PARP14: variants seen among roughly 807,000 people sequenced by gnomAD.
PARP14 encodes the protein protein mono-ADP-ribosyltransferase PARP14.
In PARP14, 59 loss-of-function variants were observed where a neutral mutation model predicts 154.2. That is an observed-to-expected ratio of 0.38 (90% CI 0.31 to 0.48). The LOEUF is 0.48. Ranked by LOEUF, PARP14 falls within the 20% of genes least tolerant of loss-of-function variation. PARP14 has a pLI of 0.98. For missense variants in PARP14, 1,734 were observed against 2,131.6 expected (o/e 0.81, Z 3.67); for synonymous variants, 720 against 780.5 (o/e 0.92, Z 1.29).
Position 122,695,470 on chromosome 3 carries a change from A to G in PARP14, c.643A>G (p.Lys215Glu), listed in dbSNP as rs1010976129. Residue 215 changes from lysine to glutamate, a missense_variant, in exon 5 of 17, where the codon AAA (lysine) becomes GAA (glutamate). Lys to Glu is a moderately conservative substitution (Grantham distance 56). Around this residue, in one of 2 missense-constraint regions of PARP14, gnomAD observed 1,646 missense variants for 1,976.0 expected, o/e 0.83. Coordinates refer to ENST00000474629, the MANE Select transcript of PARP14 (RefSeq NM_017554.3). ...TGATTGTACCAAGCACCATTCAATTAAACAACTTCAGCTTTCTCCAAGACT... is the reference window on the plus strand; with the variant it reads ...TGATTGTACCAAGCACCATTCAATTGAACAACTTCAGCTTTCTCCAAGACT... ...VDDCTKHHSI[K>E]QLQLSPRLLE... is the part of the protein sequence containing the mutation. 3 of 1,606,700 alleles carry G rather than the reference A, an allele frequency of 1.9e-6. No homozygotes were observed. Among genetic ancestry groups the G allele is most frequent in the Non-Finnish European group, 2.6e-6 (3 of 1,175,102 alleles).
intron 4 of PARP14, among the ~76,000 whole-genome samples, chr3:122,694,289 C>T (rs1413943792): frequency 6.6e-6 from 1 of 152,128 alleles, no homozygotes; most frequent in East Asian, 1.9e-4. Flanking sequence ...ATAGATCTTT[C>T]CCTATCCATC....
chr3:122,706,577 G>A (rs911718177), intron 8 of PARP14, among the ~76,000 whole-genome samples: 3 of 152,128 alleles, frequency 2.0e-5, no homozygotes, highest in Non-Finnish European at 4.4e-5. Context: ...CCATGGCTGA[G>A]TGGCAGGTGT....
At chr3:122,692,020 T>C (rs548117293) in intron 3 of PARP14, among the ~76,000 whole-genome samples, 20 of 152,288 alleles carry the variant, frequency 1.3e-4, no homozygotes, top group South Asian at 4.1e-4. Context: ...CCACCAGCAA[T>C]AAATGAAAAT....
chr3:122,701,768 T>C lies in PARP14; in HGVS notation c.3081+133T>C. On this transcript the variant is annotated intron_variant, in intron 6 of 16. Coordinates refer to ENST00000474629, the MANE Select transcript of PARP14 (RefSeq NM_017554.3). This position sits in a 1 kb window ranked among gnomAD's most constrained non-coding sequence, Gnocchi z 4.0. ...GAGAGAATCCCATGCCTTCCACCCC[T>C]GCCTTGAAACAATTTTCCTTAGATA... 1 of 677,958 alleles carries C rather than the reference T, an allele frequency of 1.5e-6. No homozygotes were observed. The highest frequency in any genetic ancestry group is 3.0e-5 in the Admixed American group (1 of 33,788). 42.0% of individuals were successfully genotyped at this position (677,958 alleles called of 1,614,324 possible).
chr3:122,725,239 A>G (rs1933259846), intron 15 of PARP14, among the ~76,000 whole-genome samples: 1 of 151,946 alleles, frequency 6.6e-6, no homozygotes, highest in African/African-American at 2.4e-5. Flanking sequence ...GGTTGGGCAG[A>G]GGCGCTCACT....
Position 122,718,221 on chromosome 3 carries a change from A to G in PARP14, c.4151A>G (p.Lys1384Arg). ...CTGGATGTGTTTTATGCCAACATGA[A>G]GAAAAGAGAAGGGACTCAGCTTTCT... Reference protein sequence around the residue: ...QVLDVFYANMKKREGTQLSSQ... With the variant: ...QVLDVFYANMRKREGTQLSSQ... Residue 1384 changes from lysine to arginine, a missense_variant, in exon 13 of 17, where the codon AAG (lysine) becomes AGG (arginine). Transcript: ENST00000474629. The G allele has an allele frequency of 6.2e-7, 1 of 1,613,706 alleles. No homozygotes were observed.
chr3:122,692,642 C>A, intron 4 of PARP14, 99 bp downstream of exon 4: 1 of 956,184 alleles, frequency 1.0e-6, no homozygotes, highest in Non-Finnish European at 1.5e-6. Flanking sequence ...TTGACTCTTT[C>A]TAGTAGCTAC....
At chr3:122,705,675 T>C (rs1939132022) in intron 8 of PARP14, among the ~76,000 whole-genome samples, 2 of 152,196 alleles carry the variant, frequency 1.3e-5, no homozygotes, top group South Asian at 4.1e-4. Flanking sequence ...ACTGCAAAAA[T>C]TGATCAAACA....
Position 122,681,184 on chromosome 3 carries a change from C to G in PARP14, c.187+114C>G, listed in dbSNP as rs1938193771. The G allele has an allele frequency of 2.2e-5, 3 of 137,728 alleles. No homozygotes were observed. The highest frequency in any genetic ancestry group is 1.4e-4 in the South Asian group (1 of 7,306). 8.5% of individuals were successfully genotyped at this position (137,728 alleles called of 1,614,324 possible). A position where few individuals can be genotyped will look rare whatever the true frequency, so the allele number is the denominator to read the frequency against. Reference sequence around the variant, plus strand: ...CGCCCGACTTCGGCGGCTGCTGTAGCGGAGGTGGCCGGGGCGGGGGCGGGG... The same window carrying G: ...CGCCCGACTTCGGCGGCTGCTGTAGGGGAGGTGGCCGGGGCGGGGGCGGGG... On this transcript the variant is annotated intron_variant, in intron 1 of 16. Transcript: ENST00000474629. This position sits in a 1 kb window ranked among gnomAD's most constrained non-coding sequence, Gnocchi z 5.5.
In PARP14 at chr3:122,681,024, TC is replaced by T; in HGVS notation, c.144del (p.Arg49GlyfsTer37). 6.2e-7 allele frequency: 1 copy of T among 1,613,422 alleles called. No individual in the cohort carries two copies. Among genetic ancestry groups the T allele is most frequent in the Non-Finnish European group, 8.5e-7 (1 of 1,179,688 alleles). On this transcript the variant is annotated frameshift_variant, in exon 1 of 17. Coordinates refer to ENST00000474629, the MANE Select transcript of PARP14 (RefSeq NM_017554.3). LOFTEE classifies it high-confidence loss of function. The surrounding 1 kb of genome is among the most constrained non-coding windows in gnomAD (Gnocchi z 5.5). The stretch of plus-strand genomic sequence containing the variant: ...GCGGCGAGTGTGAGGTCCGCCAGGA[TC>T]CCAGGAGCCCATCCCGCTTCCTGGT... ...GGGECEVRQD[P>X]RSPSRFLVFF...
In PARP14 at chr3:122,713,381, C is replaced by T. The variant is rs1231293136; in HGVS notation, c.3620-43C>T. The stretch of plus-strand genomic sequence containing the variant: ...GAGCAGGATACCCAAGTCATTCTTG[C>T]TGTGGCTGACTCGGTTATTGACTTT... On this transcript the variant is annotated intron_variant, in intron 9 of 16. Transcript: ENST00000474629. 10 of 1,563,218 alleles carry T rather than the reference C, an allele frequency of 6.4e-6. No homozygotes were observed. In the South Asian group the frequency reaches 1.2e-4, roughly 18 times the overall value.
At chr3:122,713,596 T>G (rs959673935) in intron 10 of PARP14, 23 bp downstream of exon 10, 6 of 1,603,654 alleles carry the variant, frequency 3.7e-6, no homozygotes, top group Non-Finnish European at 5.1e-6. Context: ...TTTTGATGAG[T>G]GCAATAGTTA....
At position 122,714,185 on chromosome 3, in the gene PARP14, G is replaced by A. The variant is rs979289835; in HGVS notation, c.3833-77G>A. The A allele has an allele frequency of 5.8e-6, 7 of 1,207,172 alleles. No homozygotes were observed. In the African/African-American group the frequency reaches 7.8e-5, roughly 14 times the overall value. 74.8% of individuals were successfully genotyped at this position (1,207,172 alleles called of 1,614,324 possible). A position where few individuals can be genotyped will look rare whatever the true frequency, so the allele number is the denominator to read the frequency against. On this transcript the variant is annotated intron_variant, in intron 11 of 16. Coordinates refer to ENST00000474629, the MANE Select transcript of PARP14 (RefSeq NM_017554.3). ...TTTTCACAAAATGCTTACTTGCCAA[G>A]TTATACATTTTGCTTTCTAAACAAA... is the stretch of plus-strand genomic sequence containing the variant.
intron 15 of PARP14, chr3:122,722,677 A>C (rs556323944): frequency 5.3e-5 from 8 of 152,312 alleles, no homozygotes; most frequent in African/African-American, 1.9e-4. Flanking sequence ...GTGGTCTGTC[A>C]TCCTCTATGA....
In PARP14 at chr3:122,681,156, A is replaced by G; in HGVS notation, c.187+86A>G. On this transcript the variant is annotated intron_variant, in intron 1 of 16. Transcript: ENST00000474629. This position sits in a 1 kb window ranked among gnomAD's most constrained non-coding sequence, Gnocchi z 5.5. Reference sequence around the variant, plus strand: ...GCGGCAGGGCACGCACGGGAGGGTGACCCGCCCGACTTCGGCGGCTGCTGT... The same window carrying G: ...GCGGCAGGGCACGCACGGGAGGGTGGCCCGCCCGACTTCGGCGGCTGCTGT... The G allele has an allele frequency of 4.0e-6, 2 of 497,146 alleles. No individual in the cohort carries two copies. Among genetic ancestry groups the G allele is most frequent in the Non-Finnish European group, 5.8e-6 (2 of 346,896 alleles). The allele number at this position is 497,146 out of a possible 1,614,324, so 30.8% of individuals were successfully genotyped here.
In PARP14 at chr3:122,728,386, C is replaced by G. The variant is rs1275653854; in HGVS notation, c.5195C>G (p.Ala1732Gly). 1.2e-5 allele frequency: 19 copies of G among 1,613,222 alleles called. No individual in the cohort carries two copies. The highest frequency in any genetic ancestry group is 1.6e-5 in the Non-Finnish European group (19 of 1,179,296). The change falls in exon 17 of 17, where the codon GCA (alanine) becomes GGA (glycine). Residue 1732 changes from alanine (A) to glycine (G), a missense_variant. Transcript: ENST00000474629. ...SANDTYSRPD[A>G]NGRKHVYYVR... ...AATGATACGTACTCCAGACCAGATG[C>G]AAATGGGAGAAAGCATGTGTATTAT...
In PARP14 at chr3:122,680,916, C is replaced by G; in HGVS notation, c.33C>G (p.Val11=). The change falls in exon 1 of 17, where the codon GTC becomes GTG. Residue 11 remains valine, a synonymous_variant. Transcript: ENST00000474629. MAVPGSFPLL[V]EGSWGPDPPK... The stretch of plus-strand genomic sequence containing the variant: ...TGCCCGGCTCCTTCCCGCTGCTGGT[C>G]GAGGGCTCCTGGGGCCCCGACCCCC... The G allele has an allele frequency of 6.2e-7, 1 of 1,611,336 alleles. No individual in the cohort carries two copies.
chr3:122,719,403 G>A (rs1357848372), intron 14 of PARP14, among the ~76,000 whole-genome samples: 1 of 152,194 alleles, frequency 6.6e-6, no homozygotes, highest in Non-Finnish European at 1.5e-5. Flanking sequence ...GATAATCCAG[G>A]GAGGATCGGG....
At chr3:122,691,072 G>A (rs987560269) in intron 3 of PARP14, among the ~76,000 whole-genome samples, 3 of 152,184 alleles carry the variant, frequency 2.0e-5, no homozygotes, top group Non-Finnish European at 4.4e-5. Flanking sequence ...CACTACTGTT[G>A]AAACTGAACT....
Sources: allele counts gnomAD v4.1 joint callset (sites outside exome capture counted in the v4.1 genomes callset), GRCh38; gene constraint gnomAD v4.1.1; regional missense constraint gnomAD v4.1.1; non-coding constraint Gnocchi (gnomAD v3.1); transcripts MANE v1.5; gene names NCBI Gene and HGNC (gene_info 2026-07-23, HGNC 2026-07-21).